CDH13: variants seen among roughly 807,000 people sequenced by gnomAD.
CDH13 encodes cadherin-13.
In CDH13, 24 loss-of-function variants were observed where a neutral mutation model predicts 63.8. The ratio of observed to expected loss-of-function variants is 0.38; its 90% CI spans 0.27 to 0.53. The LOEUF (loss-of-function observed/expected upper bound fraction) is 0.53. Ranked by LOEUF, CDH13 falls within the 20% of genes least tolerant of loss-of-function variation. The pLI is 0.85. For missense variants in CDH13, 1,049 were observed against 903.1 expected (o/e 1.16, Z -2.07); for synonymous variants, 503 against 355.3 (o/e 1.42, Z -4.67).
At chr16:83,565,546 C>T (rs1286262489) in intron 7 of CDH13, among the ~76,000 whole-genome samples, 5 of 152,012 alleles carry the variant, frequency 3.3e-5, no homozygotes, top group African/African-American at 1.2e-4. Context: ...ATTCTGGGAA[C>T]TCCCTGAGAG....
At position 83,344,979 on chromosome 16, in the gene CDH13, G is replaced by A. The variant is rs772306174; in HGVS notation, c.754G>A (p.Gly252Ser). 10 of 1,613,882 alleles carry A rather than the reference G, an allele frequency of 6.2e-6. No individual in the cohort carries two copies. The East Asian group carries it at 8.9e-5, about 14-fold the overall frequency. ...GATCTTTCGGGAAGGCCCCTACATC[G>A]GCCACGTCATGGAAGGGTCACCCAC... Reference protein sequence around the residue: ...RPIFREGPYIGHVMEGSPTGT... With the variant: ...RPIFREGPYISHVMEGSPTGT... The change falls in exon 6 of 14, where the codon GGC (glycine) becomes AGC (serine). Residue 252 changes from glycine (G) to serine (S), a missense_variant. Coordinates refer to ENST00000567109, the MANE Select transcript of CDH13 (RefSeq NM_001257.5).
chr16:83,207,834 C>CA (rs1296699034), intron 4 of CDH13, among the ~76,000 whole-genome samples: 1 of 149,602 alleles, frequency 6.7e-6, no homozygotes, highest in Non-Finnish European at 1.5e-5. Context: ...GAAAATAATG[C>CA]AAAAAACCCA....
At chr16:83,622,226 A>C (rs555001893) in intron 8 of CDH13, among the ~76,000 whole-genome samples, 81 of 152,122 alleles carry the variant, frequency 5.3e-4, no homozygotes, top group Non-Finnish European at 1.0e-3. Flanking sequence ...AGGCACAGAG[A>C]GGTTTAGGAC....
intron 4 of CDH13, among the ~76,000 whole-genome samples, chr16:83,175,657 A>C (rs2038090787): frequency 6.9e-6 from 1 of 144,612 alleles, no homozygotes; most frequent in Admixed American, 6.8e-5. Flanking sequence ...GAAAATGCAG[A>C]TAAGTTAAAA....
intron 5 of CDH13, among the ~76,000 whole-genome samples, chr16:83,333,799 G>T (rs1206261459): frequency 1.3e-5 from 2 of 152,164 alleles, no homozygotes; most frequent in African/African-American, 4.8e-5. Flanking sequence ...GTTTGCACCT[G>T]TTGTTTCGGC....
At chr16:83,672,378 GTAGA>G (rs1914572329) in intron 9 of CDH13, among the ~76,000 whole-genome samples, 1 of 136,354 alleles carries the variant, frequency 7.3e-6, no homozygotes, top group Non-Finnish European at 1.5e-5. Flanking sequence ...TCCTCACATG[GTAGA>G]TAGAGTGAGG....
chr16:83,136,329 A>G (rs150396495), intron 4 of CDH13, among the ~76,000 whole-genome samples: 3,037 of 151,778 alleles, frequency 0.02, 55 homozygotes, highest in Non-Finnish European at 0.027. Flanking sequence ...TAAAAAATAC[A>G]ACAAAAATTA....
chr16:82,696,934 C>T (rs896820612), intron 1 of CDH13, among the ~76,000 whole-genome samples: 2 of 152,146 alleles, frequency 1.3e-5, no homozygotes, highest in African/African-American at 2.4e-5. Context: ...GGTAATAGGC[C>T]TCAGTTCCTT....
chr16:82,644,311 C>G lies in CDH13; in HGVS notation c.45+17174C>G, dbSNP rs1326701980. Among the ~76,000 whole-genome samples the G allele has an allele frequency of 6.6e-6, 1 of 152,098 alleles. No homozygotes were observed. On this transcript the variant is annotated intron_variant, in intron 1 of 13. Transcript: ENST00000567109. The surrounding 1 kb of genome is among the most constrained non-coding windows in gnomAD (Gnocchi z 5.7). ...GTGCTCATCACTCTGCAAATCAAGG[C>G]CCCCCGAACTCCTCCCACCCCTGCC...
intron 8 of CDH13, among the ~76,000 whole-genome samples, chr16:83,646,737 A>T (rs913447780): frequency 5.4e-5 from 8 of 148,530 alleles, no homozygotes; most frequent in African/African-American, 2.0e-4. Context: ...ACACACACAC[A>T]CAGTTGTGTT....
rs2072568526 is a variant in CDH13, at chr16:83,443,738, A to ATATATATATATATATATATATATATATAT, written c.782-42714_782-42713insATATTATATATATATATATATATATATAT. Among the ~76,000 whole-genome samples, 4 of 14,300 alleles carry ATATATATATATATATATATATATATATAT rather than the reference A, an allele frequency of 2.8e-4. No individual in the cohort carries two copies. In the South Asian group the frequency reaches 0.012, roughly 43 times the overall value. 9.4% of individuals were successfully genotyped at this position (14,300 alleles called of 152,430 possible). A position where few individuals can be genotyped will look rare whatever the true frequency, so the allele number is the denominator to read the frequency against. Reference sequence around the variant, plus strand: ...AAAAAAAAAAAAAAAAAAAAAAAATATATATATATATATATATATATATAT... The same window carrying ATATATATATATATATATATATATATATAT: ...AAAAAAAAAAAAAAAAAAAAAAAATATATATATATATATATATATATATATATATTATATATATATATATATATATATAT... On this transcript the variant is annotated intron_variant, in intron 6 of 13. Transcript: ENST00000567109.
chr16:83,357,548 A>G (rs939217403), intron 6 of CDH13, among the ~76,000 whole-genome samples: 1 of 151,950 alleles, frequency 6.6e-6, no homozygotes, highest in Non-Finnish European at 1.5e-5. Flanking sequence ...TTCAGACACC[A>G]TGGAGCAGTG....
intron 3 of CDH13, among the ~76,000 whole-genome samples, chr16:83,104,833 A>G (rs1451174884): frequency 1.3e-5 from 2 of 152,202 alleles, no homozygotes; most frequent in Non-Finnish European, 2.9e-5. Context: ...AAAACAAGCC[A>G]TGTAGATAAA....
intron 6 of CDH13, among the ~76,000 whole-genome samples, chr16:83,408,518 G>T (rs539498261): frequency 1.3e-5 from 2 of 152,144 alleles, no homozygotes; most frequent in Non-Finnish European, 1.5e-5. Context: ...GTAAATATGT[G>T]TGTATCTAAA....
In CDH13 at chr16:83,696,969, C is replaced by G. The variant is rs78344141; in HGVS notation, c.1538+18508C>G. 5.4e-3 allele frequency among the ~76,000 whole-genome samples: 827 copies of G among 152,280 alleles called. 7 individuals are homozygous for G. Among genetic ancestry groups the G allele is most frequent in the African/African-American group, 0.019 (783 of 41,556 alleles). ...CCTGGCTGGCCTCGGTGCTGAGCTT[C>G]CTCTCCTCTCGCTCCTCTGGCAGTC... On this transcript the variant is annotated intron_variant, in intron 10 of 13. Coordinates refer to ENST00000567109, the MANE Select transcript of CDH13 (RefSeq NM_001257.5).
chr16:82,951,081 C>A (rs1194805913), intron 2 of CDH13, among the ~76,000 whole-genome samples: 1 of 152,134 alleles, frequency 6.6e-6, no homozygotes, highest in Non-Finnish European at 1.5e-5. Flanking sequence ...TTGGCTCAAT[C>A]TTCAATGGCC....
At chr16:82,974,178 A>G (rs1909176242) in intron 2 of CDH13, among the ~76,000 whole-genome samples, 2 of 152,134 alleles carry the variant, frequency 1.3e-5, no homozygotes, top group South Asian at 4.1e-4. Flanking sequence ...ACCTCAAGTG[A>G]TGCTCCCACC....
chr16:83,060,891 G>C (rs1216467972), intron 3 of CDH13, among the ~76,000 whole-genome samples: 1 of 151,960 alleles, frequency 6.6e-6, no homozygotes, highest in Non-Finnish European at 1.5e-5. Flanking sequence ...ATTCCAACTG[G>C]TACTACTTGA....
At chr16:83,602,131 AAAAAAAAAAAAACCC>A (rs1907894690) in intron 7 of CDH13, among the ~76,000 whole-genome samples, 6 of 100,608 alleles carry the variant, frequency 6.0e-5, no homozygotes, top group East Asian at 2.7e-4. Context: ...AAAAAAAAAA[AAAAAAAAAAAAACCC>A]AAAGGACAAT....
Sources: allele counts gnomAD v4.1 joint callset (sites outside exome capture counted in the v4.1 genomes callset), GRCh38; gene constraint gnomAD v4.1.1; non-coding constraint Gnocchi (gnomAD v3.1); transcripts MANE v1.5; gene names NCBI Gene and HGNC (gene_info 2026-07-23, HGNC 2026-07-21).